The following CNTN1 variants were observed in gnomAD, a reference collection of about 807,000 sequenced individuals.
The protein encoded by CNTN1 is contactin-1.
CNTN1 carries 38 observed loss-of-function variants against 126.4 expected under a neutral mutation model. The observed-to-expected ratio is 0.30, with a 90% CI of 0.23 to 0.39. CNTN1 has a LOEUF of 0.39. Ranked by LOEUF, CNTN1 falls within the 10% of genes least tolerant of loss-of-function variation. The pLI is 1.00. For missense variants in CNTN1, 1,009 were observed against 1,248.4 expected (o/e 0.81, Z 2.89); for synonymous variants, 413 against 422.6 (o/e 0.98, Z 0.28).
At chr12:40,889,964 T>C (rs943181377) in intron 1 of CNTN1, among the ~76,000 whole-genome samples, 1 of 152,196 alleles carries the variant, frequency 6.6e-6, no homozygotes, top group Non-Finnish European at 1.5e-5. Context: ...GTGGGTGTTC[T>C]ATAATTGAGT....
At position 40,933,345 on chromosome 12, in the gene CNTN1, G is replaced by A. The variant is rs556331560; in HGVS notation, c.704-116G>A. ...ATCCATTATGATATGACCTGTACCT[G>A]TACAGAGAAAAGCTTCCATGTTGGA... On this transcript the variant is annotated intron_variant, in intron 7 of 23. Coordinates refer to ENST00000551295, the MANE Select transcript of CNTN1 (RefSeq NM_001843.4). The A allele has an allele frequency of 6.4e-4, 497 of 776,552 alleles. 1 individual carries two copies. The African/African-American group carries it at 7.5e-3, about 12-fold the overall frequency. The allele number at this position is 776,552 out of a possible 1,614,324, so 48.1% of individuals were successfully genotyped here. A position where few individuals can be genotyped will look rare whatever the true frequency, so the allele number is the denominator to read the frequency against.
At chr12:40,758,731 A>G (rs1341391712) in intron 1 of CNTN1, among the ~76,000 whole-genome samples, 6 of 152,062 alleles carry the variant, frequency 3.9e-5, no homozygotes, top group Admixed American at 2.6e-4. Context: ...TACCGCACCC[A>G]CTTATATATA....
At chr12:40,793,778 A>G (rs953182066) in intron 1 of CNTN1, among the ~76,000 whole-genome samples, 1 of 151,914 alleles carries the variant, frequency 6.6e-6, no homozygotes, top group African/African-American at 2.4e-5. Context: ...CCACCCCTTC[A>G]GGGAGGTTAT....
chr12:40,949,957 G>A (rs1425900933), intron 14 of CNTN1, among the ~76,000 whole-genome samples: 1 of 151,996 alleles, frequency 6.6e-6, no homozygotes, highest in African/African-American at 2.4e-5. Context: ...ATAATCCTTG[G>A]TAAGAATCAG....
intron 23 of CNTN1, among the ~76,000 whole-genome samples, chr12:41,056,894 ATTTAGATATTTATAAATATTTAT>A: frequency 1.0e-5 from 1 of 98,838 alleles, no homozygotes; most frequent in Non-Finnish European, 2.0e-5. Flanking sequence ...TAAATATTAT[ATTTAGATATTTATAAATATTTAT>A]AATATTTAGA....
chr12:40,776,129 A>T (rs1283260849), intron 1 of CNTN1, among the ~76,000 whole-genome samples: 1 of 151,596 alleles, frequency 6.6e-6, no homozygotes, highest in Non-Finnish European at 1.5e-5. Context: ...CCTTTGTTTT[A>T]AATTTCTATT....
Position 40,818,203 on chromosome 12 carries a change from A to C in CNTN1, c.-76-90154A>C, listed in dbSNP as rs575151164. Among the ~76,000 whole-genome samples the C allele has an allele frequency of 5.3e-5, 8 of 152,226 alleles. No individual in the cohort carries two copies. The South Asian group carries it at 1.7e-3, about 32-fold the overall frequency. On this transcript the variant is annotated intron_variant, in intron 1 of 23. Transcript: ENST00000551295. ...CATTCTCTGTATTTCCTGAATTTGC[A>C]TGTTGGACTGTCTTTCTAGGTTGGG...
intron 23 of CNTN1, among the ~76,000 whole-genome samples, chr12:41,066,763 T>G (rs1166135089): frequency 1.3e-5 from 2 of 152,202 alleles, no homozygotes; most frequent in Non-Finnish European, 2.9e-5. Context: ...CAACTTTTAA[T>G]TGAAATGTCT....
intron 1 of CNTN1, among the ~76,000 whole-genome samples, chr12:40,881,883 T>C (rs1436193309): frequency 6.6e-6 from 1 of 151,922 alleles, no homozygotes. Context: ...GCTTTCTATA[T>C]GTTAATTCTA....
At chr12:40,870,114 C>G (rs1943433901) in intron 1 of CNTN1, among the ~76,000 whole-genome samples, 2 of 152,072 alleles carry the variant, frequency 1.3e-5, no homozygotes, top group Admixed American at 1.3e-4. Context: ...CCTTCACCTT[C>G]CACCATGATT....
At chr12:40,834,177 C>A (rs35067046) in intron 1 of CNTN1, among the ~76,000 whole-genome samples, 24,852 of 152,112 alleles carry the variant, frequency 0.16, 1,994 homozygotes, top group Middle Eastern at 0.21. Context: ...ATCACAAGAT[C>A]GTATCTTTTG....
At chr12:41,002,799 C>T (rs149659655) in intron 17 of CNTN1, among the ~76,000 whole-genome samples, 5,286 of 152,164 alleles carry the variant, frequency 0.035, 294 homozygotes, top group African/African-American at 0.12. Flanking sequence ...CCTCGTGATC[C>T]GCCTGCCTCG....
At chr12:41,040,851 C>T (rs1171783741) in intron 23 of CNTN1, among the ~76,000 whole-genome samples, 1 of 147,068 alleles carries the variant, frequency 6.8e-6, no homozygotes, top group Middle Eastern at 3.4e-3. Context: ...ACAATCATGT[C>T]ATCTGCAAAC....
intron 17 of CNTN1, among the ~76,000 whole-genome samples, chr12:40,993,737 T>C (rs995273893): frequency 2.6e-5 from 4 of 152,194 alleles, no homozygotes; most frequent in Non-Finnish European, 4.4e-5. Context: ...TTATGGTAAA[T>C]ACCAACTGCA....
At chr12:40,921,417 T>C (rs1945439237) in intron 4 of CNTN1, among the ~76,000 whole-genome samples, 1 of 152,188 alleles carries the variant, frequency 6.6e-6, no homozygotes, top group African/African-American at 2.4e-5. Context: ...TACAGTTGGT[T>C]CTCTTAGTTG....
intron 18 of CNTN1, 31 bp downstream of exon 18, chr12:41,014,329 G>A (rs776878959): frequency 6.2e-7 from 1 of 1,605,374 alleles, no homozygotes; most frequent in Non-Finnish European, 8.5e-7. Flanking sequence ...CATATTATAG[G>A]TTGCTGTATC....
At chr12:40,704,127 A>G (rs184812002) in intron 1 of CNTN1, among the ~76,000 whole-genome samples, 3 of 152,250 alleles carry the variant, frequency 2.0e-5, no homozygotes, top group East Asian at 1.9e-4. Context: ...AAGTTTCTTT[A>G]AAGTGTTGAA....
intron 1 of CNTN1, among the ~76,000 whole-genome samples, chr12:40,838,685 G>A (rs1231743824): frequency 6.6e-6 from 1 of 152,088 alleles, no homozygotes. Context: ...GCTGTATGTA[G>A]CAAAAGAAAT....
At chr12:40,702,161 C>T (rs1420193892) in intron 1 of CNTN1, among the ~76,000 whole-genome samples, 2 of 151,662 alleles carry the variant, frequency 1.3e-5, no homozygotes, top group African/African-American at 4.8e-5. Flanking sequence ...TTCTCGGACT[C>T]CTGGTCTCAA....
Sources: allele counts gnomAD v4.1 joint callset (sites outside exome capture counted in the v4.1 genomes callset), GRCh38; gene constraint gnomAD v4.1.1; transcripts MANE v1.5; gene names NCBI Gene and HGNC (gene_info 2026-07-23, HGNC 2026-07-21).